The following PLCXD2 variants were observed in gnomAD, a reference collection of about 807,000 sequenced individuals.
PLCXD2 encodes the protein PI-PLC X domain-containing protein 2.
PLCXD2 carries 21 observed loss-of-function variants against 28.6 expected under a neutral mutation model. The observed-to-expected ratio is 0.73, with a 90% CI of 0.52 to 1.06. The LOEUF (loss-of-function observed/expected upper bound fraction) is 1.06, where lower values mean the gene tolerates loss of function less well. PLCXD2 is among the 50% of genes least tolerant of loss of function. The pLI is 0.00. For missense variants in PLCXD2, 369 were observed against 376.7 expected (o/e 0.98, Z 0.17); for synonymous variants, 140 against 150.1 (o/e 0.93, Z 0.49).
chr3:111,693,149 G>T (rs1468529263), intron 1 of PLCXD2, among the ~76,000 whole-genome samples: 1 of 152,140 alleles, frequency 6.6e-6, no homozygotes, highest in Admixed American at 6.5e-5. Context: ...TCACCAGGAG[G>T]TTTATATAGA....
chr3:111,678,443 A>G (rs1353110948), intron 1 of PLCXD2, among the ~76,000 whole-genome samples: 1 of 152,238 alleles, frequency 6.6e-6, no homozygotes, highest in East Asian at 1.9e-4. Flanking sequence ...GATATTCTCT[A>G]TGGACAAATG....
intron 1 of PLCXD2, among the ~76,000 whole-genome samples, chr3:111,700,685 CT>C (rs1466850089): frequency 6.6e-6 from 1 of 152,058 alleles, no homozygotes; most frequent in Non-Finnish European, 1.5e-5. Context: ...TATTTCAGGA[CT>C]GTATAGACAG....
At chr3:111,687,159 A>G (rs1309210796) in intron 1 of PLCXD2, among the ~76,000 whole-genome samples, 1 of 152,242 alleles carries the variant, frequency 6.6e-6, no homozygotes, top group Admixed American at 6.5e-5. Context: ...GTTTGGAGAT[A>G]TAAGCGTGAA....
At chr3:111,709,736 T>G (rs949159694) in intron 2 of PLCXD2, among the ~76,000 whole-genome samples, 2 of 152,076 alleles carry the variant, frequency 1.3e-5, no homozygotes, top group Non-Finnish European at 2.9e-5. Context: ...AAAAGGAACA[T>G]GCAGTATGGC....
At chr3:111,720,476 T>C (rs1206880962) in intron 3 of PLCXD2, among the ~76,000 whole-genome samples, 1 of 152,198 alleles carries the variant, frequency 6.6e-6, no homozygotes, top group Non-Finnish European at 1.5e-5. Flanking sequence ...GGTATCTCTT[T>C]GATGCTGGAA....
chr3:111,716,232 C>T (rs898855160), intron 3 of PLCXD2, among the ~76,000 whole-genome samples: 6 of 152,192 alleles, frequency 3.9e-5, no homozygotes, highest in African/African-American at 1.4e-4. Flanking sequence ...AAGGCCAGTG[C>T]AGAGTGTGGC....
At position 111,714,212 on chromosome 3, in the gene PLCXD2, C is replaced by T. The variant is rs141767894; in HGVS notation, c.866+84C>T. 2.1e-4 allele frequency: 303 copies of T among 1,466,210 alleles called. 1 individual carries two copies. The African/African-American group carries it at 3.2e-3, about 15-fold the overall frequency. 90.8% of individuals were successfully genotyped at this position (1,466,210 alleles called of 1,614,324 possible). On this transcript the variant is annotated intron_variant, in intron 3 of 4. Transcript: ENST00000477665. ...TATTCTGAGTAAATCGCAGTAAAGC[C>T]ATGTAGTCTGAGGAGTTAGAAAAAC...
At chr3:111,679,946 T>C (rs959747841) in intron 1 of PLCXD2, among the ~76,000 whole-genome samples, 1 of 152,208 alleles carries the variant, frequency 6.6e-6, no homozygotes, top group Admixed American at 6.5e-5. Context: ...TTGCTTTCTT[T>C]CCACTGACCT....
At chr3:111,703,902 A>G (rs1941081198) in intron 1 of PLCXD2, among the ~76,000 whole-genome samples, 1 of 152,206 alleles carries the variant, frequency 6.6e-6, no homozygotes, top group African/African-American at 2.4e-5. Context: ...CAATTTGCCT[A>G]AGGATGAATA....
At chr3:111,699,498 C>G (rs1941010871) in intron 1 of PLCXD2, among the ~76,000 whole-genome samples, 1 of 152,148 alleles carries the variant, frequency 6.6e-6, no homozygotes, top group East Asian at 1.9e-4. Flanking sequence ...CAGGAAGAAT[C>G]AAGCAGTAAT....
At chr3:111,676,752 C>T (rs1312781869) in intron 1 of PLCXD2, 1 of 152,176 alleles carries the variant, frequency 6.6e-6, no homozygotes, top group African/African-American at 2.4e-5. Flanking sequence ...CATTTGCCTT[C>T]AGGCCTTCTG....
intron 1 of PLCXD2, among the ~76,000 whole-genome samples, chr3:111,681,815 C>T (rs1168275639): frequency 4.6e-5 from 7 of 152,208 alleles, no homozygotes. Flanking sequence ...GTGATCTGAC[C>T]TGACCTCCAC....
At chr3:111,691,400 A>T (rs1465663203) in intron 1 of PLCXD2, 1 of 152,360 alleles carries the variant, frequency 6.6e-6, no homozygotes, top group East Asian at 1.9e-4. Context: ...TTGGAAGCCC[A>T]GGTTCACAGA....
chr3:111,682,653 G>T (rs1940734609), intron 1 of PLCXD2, among the ~76,000 whole-genome samples: 2 of 152,192 alleles, frequency 1.3e-5, no homozygotes, highest in South Asian at 4.1e-4. Flanking sequence ...TTATGAACAT[G>T]TATGATTTGG....
chr3:111,683,354 G>A (rs542612604), intron 1 of PLCXD2, among the ~76,000 whole-genome samples: 54 of 152,262 alleles, frequency 3.5e-4, no homozygotes, highest in African/African-American at 1.3e-3. Context: ...TATGAGGCTG[G>A]GAAAGTAGGC....
At chr3:111,700,971 A>G (rs1218677220) in intron 1 of PLCXD2, among the ~76,000 whole-genome samples, 1 of 152,172 alleles carries the variant, frequency 6.6e-6, no homozygotes, top group African/African-American at 2.4e-5. Flanking sequence ...TTAGACTGTG[A>G]CCAAAACAGT....
intron 1 of PLCXD2, among the ~76,000 whole-genome samples, chr3:111,687,938 G>T (rs1940819684): frequency 6.6e-6 from 1 of 152,082 alleles, no homozygotes; most frequent in African/African-American, 2.4e-5. Context: ...CTCCCAAAGT[G>T]CTGGGATTAC....
chr3:111,675,553 G>T, intron 1 of PLCXD2, 145 bp downstream of exon 1: 2 of 887,068 alleles, frequency 2.3e-6, no homozygotes, highest in East Asian at 2.5e-5. Context: ...TAACACTGAA[G>T]CAGCTGCTTT....
intron 3 of PLCXD2, 98 bp downstream of exon 3, chr3:111,714,226 A>T: frequency 1.4e-6 from 2 of 1,416,012 alleles, no homozygotes; most frequent in Middle Eastern, 4.1e-4. Flanking sequence ...TAGTCTGAGG[A>T]GTTAGAAAAA....
Sources: allele counts gnomAD v4.1 joint callset (sites outside exome capture counted in the v4.1 genomes callset), GRCh38; gene constraint gnomAD v4.1.1; transcripts MANE v1.5; gene names NCBI Gene and HGNC (gene_info 2026-07-23, HGNC 2026-07-21).